Variants in SGCZ observed in about 807,000 individuals in gnomAD.
SGCZ encodes the protein sarcoglycan zeta.
Under a neutral mutation model 41.3 loss-of-function variants are expected in SGCZ, and 40 were observed. The ratio of observed to expected loss-of-function variants is 0.97; its 90% CI spans 0.75 to 1.26. The LOEUF (loss-of-function observed/expected upper bound fraction) is 1.26. Ranked by LOEUF, SGCZ falls within the 50% of genes most tolerant of loss-of-function variation. SGCZ has a pLI of 0.00. For missense variants in SGCZ, 552 were observed against 369.8 expected (o/e 1.49, Z -4.04); for synonymous variants, 206 against 137.5 (o/e 1.50, Z -3.49).
intron 5 of SGCZ, among the ~76,000 whole-genome samples, chr8:14,142,570 G>A (rs1053754427): frequency 7.2e-5 from 11 of 152,112 alleles, no homozygotes; most frequent in African/African-American, 1.9e-4. Flanking sequence ...TATTGTCTCA[G>A]AGTGGTTCTA....
chr8:15,149,514 G>T lies in SGCZ; in HGVS notation c.39+88071C>A, dbSNP rs1799120991. 2.0e-5 allele frequency among the ~76,000 whole-genome samples: 3 copies of T among 152,064 alleles called. No homozygotes were observed. The South Asian group carries it at 6.2e-4, about 31-fold the overall frequency. ...TTTTGCATTTCCTCCAGCCTCCAAG[G>T]CTCTGACAGACAACTTGATATGCTC... On this transcript the variant is annotated intron_variant, in intron 1 of 7. Transcript: ENST00000382080.
intron 1 of SGCZ, among the ~76,000 whole-genome samples, chr8:15,195,441 GC>G (rs1394198141): frequency 2.6e-5 from 4 of 152,116 alleles, no homozygotes; most frequent in African/African-American, 9.7e-5. Flanking sequence ...TGGTCTTAGT[GC>G]TCGGCAAGCT....
chr8:14,586,972 T>C (rs867091191), intron 1 of SGCZ, among the ~76,000 whole-genome samples: 18 of 152,090 alleles, frequency 1.2e-4, no homozygotes, highest in African/African-American at 4.3e-4. Context: ...TTCACTAAAA[T>C]ATACTCTTTG....
rs78209344 is a variant in SGCZ, at chr8:14,543,241, T to C, written c.234+11491A>G. On this transcript the variant is annotated intron_variant, in intron 2 of 7. Transcript: ENST00000382080. ...CTAATACTGTACTAGTGTGATTATA[T>C]ACTTTGACTTCTTTCAGACTTTCTC... 8.2e-4 allele frequency among the ~76,000 whole-genome samples: 125 copies of C among 152,208 alleles called. No homozygotes were observed. In the East Asian group the frequency reaches 0.021, roughly 25 times the overall value.
intron 1 of SGCZ, among the ~76,000 whole-genome samples, chr8:14,730,419 A>G (rs7011408): frequency 0.054 from 8,154 of 151,962 alleles, 728 homozygotes; most frequent in African/African-American, 0.19. Context: ...TTAGAATACT[A>G]AAGTGCAACC....
At chr8:14,285,796 A>G (rs1375717917) in intron 3 of SGCZ, among the ~76,000 whole-genome samples, 2 of 152,088 alleles carry the variant, frequency 1.3e-5, no homozygotes, top group Admixed American at 1.3e-4. Flanking sequence ...CAGGTTCTCT[A>G]TCAATATCAG....
intron 3 of SGCZ, among the ~76,000 whole-genome samples, chr8:14,243,790 C>T (rs1371742003): frequency 6.6e-6 from 1 of 152,162 alleles, no homozygotes; most frequent in African/African-American, 2.4e-5. Context: ...TTCTACTCCT[C>T]CAGAGTTAAA....
chr8:14,139,205 G>T (rs1000768761), intron 5 of SGCZ, among the ~76,000 whole-genome samples: 1 of 152,018 alleles, frequency 6.6e-6, no homozygotes, highest in Non-Finnish European at 1.5e-5. Context: ...TGTGTAGAGG[G>T]AAATTTATAG....
chr8:14,945,116 A>C (rs1035755547), intron 1 of SGCZ, among the ~76,000 whole-genome samples: 1 of 124,668 alleles, frequency 8.0e-6, no homozygotes, highest in African/African-American at 3.1e-5. Context: ...AGAATGAGAG[A>C]CTTAAAAACA....
At chr8:14,388,275 G>C (rs186780252) in intron 2 of SGCZ, among the ~76,000 whole-genome samples, 1 of 152,032 alleles carries the variant, frequency 6.6e-6, no homozygotes, top group Admixed American at 6.6e-5. Flanking sequence ...TATCACAGTT[G>C]CAGCCATGTG....
rs117994549 is a variant in SGCZ at position 14,924,823 on chromosome 8, G to A, written c.39+312762C>T. On this transcript the variant is annotated intron_variant, in intron 1 of 7. Coordinates refer to ENST00000382080, the MANE Select transcript of SGCZ (RefSeq NM_139167.4). ...TATCATTGTTTTACGTTTAAGTATG[G>A]TTCCTGTATGTCTTTATCTAGGAAT... 1.4e-4 allele frequency among the ~76,000 whole-genome samples: 21 copies of A among 146,232 alleles called. No homozygotes were observed. The East Asian group carries it at 3.6e-3, about 25-fold the overall frequency.
chr8:14,942,187 A>C (rs1800299017), intron 1 of SGCZ, among the ~76,000 whole-genome samples: 1 of 152,116 alleles, frequency 6.6e-6, no homozygotes, highest in African/African-American at 2.4e-5. Flanking sequence ...AACCTAACTC[A>C]GTCCCCGTAC....
intron 1 of SGCZ, among the ~76,000 whole-genome samples, chr8:14,805,777 A>G (rs1264290031): frequency 6.6e-6 from 1 of 151,854 alleles, no homozygotes; most frequent in Non-Finnish European, 1.5e-5. Flanking sequence ...CAGAATATAC[A>G]TTTTTTTCAG....
intron 2 of SGCZ, among the ~76,000 whole-genome samples, chr8:14,369,934 C>T (rs541618201): frequency 7.9e-5 from 12 of 152,012 alleles, no homozygotes; most frequent in South Asian, 2.1e-4. Context: ...AGGCTAATGA[C>T]GTCTATTAAA....
At chr8:14,820,017 C>G (rs1440287442) in intron 1 of SGCZ, among the ~76,000 whole-genome samples, 3 of 151,890 alleles carry the variant, frequency 2.0e-5, no homozygotes, top group African/African-American at 7.3e-5. Context: ...CCTTATCTGT[C>G]AAAAACCACC....
chr8:14,865,477 T>C (rs1269030685), intron 1 of SGCZ, among the ~76,000 whole-genome samples: 1 of 152,072 alleles, frequency 6.6e-6, no homozygotes, highest in African/African-American at 2.4e-5. Flanking sequence ...AATCAATCTC[T>C]GTATTATTCT....
intron 1 of SGCZ, among the ~76,000 whole-genome samples, chr8:15,203,958 G>T (rs940325831): frequency 6.6e-6 from 1 of 152,014 alleles, no homozygotes; most frequent in East Asian, 1.9e-4. Flanking sequence ...CTCCTTATGG[G>T]ACTACGTTTA....
intron 3 of SGCZ, among the ~76,000 whole-genome samples, chr8:14,307,831 G>T (rs901195070): frequency 6.6e-6 from 1 of 152,068 alleles, no homozygotes; most frequent in African/African-American, 2.4e-5. Context: ...GATGGCAAGG[G>T]TGATTTAGCA....
rs183019371 is a variant in SGCZ at position 14,642,550 on chromosome 8, T to C, written c.40-87624A>G. On this transcript the variant is annotated intron_variant, in intron 1 of 7. Transcript: ENST00000382080. The stretch of plus-strand genomic sequence containing the variant: ...TTCTTCTAACAGCTTAGTTTAACAC[T>C]CTCAGTGAGATGAAAATATTTTATG... 4.0e-3 allele frequency among the ~76,000 whole-genome samples: 610 copies of C among 151,552 alleles called. 2 individuals are homozygous for C. The highest frequency in any genetic ancestry group is 6.9e-3 in the Admixed American group (104 of 15,154).
Sources: allele counts gnomAD v4.1 joint callset (sites outside exome capture counted in the v4.1 genomes callset), GRCh38; gene constraint gnomAD v4.1.1; transcripts MANE v1.5; gene names NCBI Gene and HGNC (gene_info 2026-07-23, HGNC 2026-07-21).